Variants in CDON observed in about 807,000 individuals in gnomAD.
CDON encodes cell adhesion associated, oncogene regulated.
A neutral mutation model predicts 120.9 loss-of-function variants in CDON; 73 were observed. The ratio of observed to expected loss-of-function variants is 0.60; its 90% CI spans 0.50 to 0.73. The LOEUF (loss-of-function observed/expected upper bound fraction) is 0.73. CDON is among the 30% of genes least tolerant of loss of function. The pLI, the probability that CDON is intolerant of heterozygous loss-of-function variation, is 0.00. For synonymous variants in CDON, 566 were observed against 573.5 expected, an observed-to-expected ratio of 0.99 and a Z score of 0.19; for missense variants, 1,470 against 1,587.3, an observed-to-expected ratio of 0.93 and a Z score of 1.26.
At chr11:125,987,677 A>G (rs1946508991) in intron 15 of CDON, among the ~76,000 whole-genome samples, 1 of 152,204 alleles carries the variant, frequency 6.6e-6, no homozygotes, top group African/African-American at 2.4e-5. Context: ...AACAGTTATA[A>G]TGTTTTATGT....
At chr11:126,042,166 G>A (rs1378510754) in intron 1 of CDON, among the ~76,000 whole-genome samples, 1 of 152,194 alleles carries the variant, frequency 6.6e-6, no homozygotes. Context: ...TTACAGGCGT[G>A]AGCCACCAAG....
chr11:126,002,789 C>T (rs1565519306), intron 10 of CDON, among the ~76,000 whole-genome samples: 2 of 152,160 alleles, frequency 1.3e-5, no homozygotes, highest in Admixed American at 6.6e-5. Context: ...AAATCAAAGT[C>T]GTCCCAAGGT....
Position 125,958,322 on chromosome 11 carries a change from T to C in CDON, c.*2620A>G, listed in dbSNP as rs919430162. 3 of 152,144 alleles carry C rather than the reference T, an allele frequency of 2.0e-5. No homozygotes were observed. Among genetic ancestry groups the C allele is most frequent in the Non-Finnish European group, 4.4e-5 (3 of 68,028 alleles). The allele number at this position is 152,144 out of a possible 1,614,324, so 9.4% of individuals were successfully genotyped here. A position where few individuals can be genotyped will look rare whatever the true frequency, so the allele number is the denominator to read the frequency against. ...GTGACTTGGGGATTTTAATGCCAAC[T>C]TTGTAGATGAGTTGTGGGGGTTAAA... On this transcript the variant is annotated 3_prime_UTR_variant, in exon 20 of 20. Transcript: ENST00000531738.
intron 16 of CDON, 40 bp downstream of exon 16, chr11:125,983,832 C>T (rs1177326851): frequency 4.2e-6 from 6 of 1,424,840 alleles, no homozygotes; most frequent in East Asian, 2.3e-5. Context: ...TGTCTACCCA[C>T]CTTTAGAAAA....
At chr11:125,973,045 A>ATTTTTTT (rs1946050434) in intron 18 of CDON, among the ~76,000 whole-genome samples, 1 of 61,738 alleles carries the variant, frequency 1.6e-5, no homozygotes, top group African/African-American at 6.7e-5. Flanking sequence ...TTTTTTTTAA[A>ATTTTTTT]TCCCTCAGAC....
chr11:126,044,320 G>T (rs76760576), intron 1 of CDON, among the ~76,000 whole-genome samples: 201 of 152,248 alleles, frequency 1.3e-3, no homozygotes, highest in African/African-American at 4.6e-3. Flanking sequence ...CAAAATAATG[G>T]ATTGTTAAAA....
chr11:125,978,025 C>G (rs966120431), intron 18 of CDON, among the ~76,000 whole-genome samples: 2 of 151,930 alleles, frequency 1.3e-5, no homozygotes, highest in Non-Finnish European at 2.9e-5. Flanking sequence ...GAGAATGACT[C>G]TAATTTAAAA....
intron 1 of CDON, among the ~76,000 whole-genome samples, chr11:126,050,722 T>C (rs2134909034): frequency 6.6e-6 from 1 of 152,280 alleles, no homozygotes; most frequent in South Asian, 2.1e-4. Flanking sequence ...GGGTGTGCCG[T>C]GGCTCCTCCT....
At position 125,961,024 on chromosome 11, in the gene CDON, C is replaced by T. The variant is rs375020165; in HGVS notation, c.3713G>A (p.Cys1238Tyr). The T allele has an allele frequency of 3.7e-6, 6 of 1,613,956 alleles. No individual in the cohort carries two copies. The highest frequency in any genetic ancestry group is 4.2e-6 in the Non-Finnish European group (5 of 1,179,940). The change falls in exon 20 of 20, where the codon TGT becomes TAT. Residue 1238 changes from cysteine to tyrosine, a missense_variant. Coordinates refer to ENST00000531738, the MANE Select transcript of CDON (RefSeq NM_001378964.1). ...ALILPPVPEG[C>Y]AEKTMWSPPG... The stretch of plus-strand genomic sequence containing the variant: ...TGGAGACCACATTGTCTTCTCAGCA[C>T]AGCCCTCGGGGACAGGTGGCAAAAT...
intron 18 of CDON, among the ~76,000 whole-genome samples, chr11:125,972,322 G>T (rs932349495): frequency 6.6e-6 from 1 of 152,106 alleles, no homozygotes; most frequent in Admixed American, 6.6e-5. Context: ...CAGCTACTAA[G>T]GAGGCTGAGG....
intron 1 of CDON, among the ~76,000 whole-genome samples, chr11:126,043,065 C>T (rs1375477850): frequency 4.6e-5 from 7 of 152,200 alleles, no homozygotes; most frequent in Non-Finnish European, 8.8e-5. Context: ...AGAGGCTACT[C>T]GCTTTGACCT....
At chr11:125,967,200 G>T (rs1945828361) in intron 18 of CDON, among the ~76,000 whole-genome samples, 1 of 152,144 alleles carries the variant, frequency 6.6e-6, no homozygotes, top group African/African-American at 2.4e-5. Flanking sequence ...GGGAAATGGA[G>T]TTAAAAATGT....
At chr11:126,047,141 T>C (rs899459516) in intron 1 of CDON, among the ~76,000 whole-genome samples, 23 of 152,160 alleles carry the variant, frequency 1.5e-4, no homozygotes, top group African/African-American at 5.1e-4. Flanking sequence ...ATACCTAGCC[T>C]AGTAAAGCTA....
At chr11:126,035,051 C>G (rs139579849) in intron 1 of CDON, among the ~76,000 whole-genome samples, 1 of 152,166 alleles carries the variant, frequency 6.6e-6, no homozygotes, top group Non-Finnish European at 1.5e-5. Context: ...ACAGGTCCAG[C>G]GCTTTGCTTA....
At chr11:126,022,086 T>C (rs1306387405) in intron 2 of CDON, among the ~76,000 whole-genome samples, 8 of 103,866 alleles carry the variant, frequency 7.7e-5, no homozygotes, top group South Asian at 2.9e-4. Flanking sequence ...TGGGTGACAG[T>C]GGGAGACCCT....
chr11:126,042,291 CT>C (rs1340673541), intron 1 of CDON, among the ~76,000 whole-genome samples: 8 of 152,208 alleles, frequency 5.3e-5, no homozygotes, highest in Admixed American at 6.5e-5. Context: ...AAAGACTCAA[CT>C]GTTTTTAGTC....
intron 12 of CDON, 41 bp downstream of exon 12, chr11:125,997,166 G>A: frequency 7.1e-7 from 1 of 1,407,114 alleles, no homozygotes. Context: ...TGGATCTAAA[G>A]TTCACATCGA....
At chr11:126,024,277 T>C (rs149581821) in intron 1 of CDON, among the ~76,000 whole-genome samples, 3,710 of 152,190 alleles carry the variant, frequency 0.024, 80 homozygotes, top group Admixed American at 0.061. Flanking sequence ...GGGAATGATG[T>C]AATGTTATTT....
intron 7 of CDON, among the ~76,000 whole-genome samples, chr11:126,014,551 T>C (rs1032163055): frequency 1.3e-5 from 2 of 152,196 alleles, no homozygotes; most frequent in Non-Finnish European, 2.9e-5. Flanking sequence ...ATTCTGCAAG[T>C]TCATTTCTAG....
Sources: gnomAD v4.1 joint callset for allele counts (sites outside exome capture counted in the v4.1 genomes callset) on GRCh38, gnomAD v4.1.1 for gene constraint, MANE v1.5 for transcripts, NCBI Gene and HGNC (gene_info 2026-07-23, HGNC 2026-07-21) for gene names.